DTNB: variants seen among roughly 807,000 people sequenced by gnomAD.
DTNB encodes the protein DTN-B.
A neutral mutation model predicts 90.7 loss-of-function variants in DTNB; 63 were observed. That is an observed-to-expected ratio of 0.69 (90% CI 0.57 to 0.86). DTNB has a LOEUF of 0.86. Among genes scored for constraint, DTNB ranks in the 40% least tolerant of loss-of-function variants. The pLI is 0.00. For synonymous variants in DTNB, 277 were observed against 286.7 expected (o/e 0.97, Z 0.34); for missense variants, 744 against 807.1 (o/e 0.92, Z 0.95).
intron 4 of DTNB, among the ~76,000 whole-genome samples, chr2:25,621,516 A>C (rs2072638366): frequency 6.8e-6 from 1 of 146,014 alleles, no homozygotes; most frequent in African/African-American, 2.5e-5. Flanking sequence ...GTGTGATCTC[A>C]GCTCACCGCA....
chr2:25,662,100 G>T (rs375338039), intron 1 of DTNB, among the ~76,000 whole-genome samples: 4 of 151,636 alleles, frequency 2.6e-5, no homozygotes, highest in Non-Finnish European at 4.4e-5. Flanking sequence ...AGGCTGCAAG[G>T]AGCTGAGATT....
chr2:25,667,090 C>A (rs1347561031), intron 1 of DTNB, among the ~76,000 whole-genome samples: 1 of 150,548 alleles, frequency 6.6e-6, no homozygotes, highest in Non-Finnish European at 1.5e-5. Context: ...TCAGCTGAAG[C>A]ACCTGAAATA....
chr2:25,652,836 T>C, intron 1 of DTNB, 175 bp from the exon 2 acceptor site: 1 of 525,024 alleles, frequency 1.9e-6, no homozygotes, highest in South Asian at 3.3e-5. Flanking sequence ...GCCATCCTTT[T>C]ATTTGATAGC....
At chr2:25,535,574 G>A (rs1386887533) in intron 8 of DTNB, among the ~76,000 whole-genome samples, 32 of 141,576 alleles carry the variant, frequency 2.3e-4, no homozygotes, top group East Asian at 4.5e-4. Context: ...GACGATGGGC[G>A]GCCACGCAGA....
At chr2:25,464,852 C>T (rs2061524983) in intron 10 of DTNB, among the ~76,000 whole-genome samples, 1 of 152,092 alleles carries the variant, frequency 6.6e-6, no homozygotes, top group Admixed American at 6.5e-5. Context: ...CAGTACTCCT[C>T]AAAACTGCCA....
intron 16 of DTNB, among the ~76,000 whole-genome samples, chr2:25,414,326 G>C (rs952379511): frequency 6.6e-6 from 1 of 152,038 alleles, no homozygotes; most frequent in Non-Finnish European, 1.5e-5. Flanking sequence ...GTGCGATCTC[G>C]GCTCACTGTG....
intron 9 of DTNB, among the ~76,000 whole-genome samples, chr2:25,519,846 T>A (rs1278492436): frequency 6.6e-6 from 1 of 152,164 alleles, no homozygotes; most frequent in Non-Finnish European, 1.5e-5. Context: ...TTCAAGCAAT[T>A]GGAACATCAG....
At position 25,467,797 on chromosome 2, in the gene DTNB, G is replaced by A. The variant is rs187385918; in HGVS notation, c.1080-12303C>T. ...AGATGAAATGCTTATTGTTCTCAAA[G>A]GGTCCGATAGTAAATATTTTAGGCT... On this transcript the variant is annotated intron_variant, in intron 10 of 20. Coordinates refer to ENST00000406818, the MANE Select transcript of DTNB (RefSeq NM_021907.5). 4.5e-4 allele frequency among the ~76,000 whole-genome samples: 68 copies of A among 152,226 alleles called. No homozygotes were observed. The East Asian group carries it at 0.012, about 27-fold the overall frequency.
At chr2:25,433,522 ATT>A (rs560980051) in intron 13 of DTNB, among the ~76,000 whole-genome samples, 2 of 143,582 alleles carry the variant, frequency 1.4e-5, no homozygotes, top group African/African-American at 2.6e-5. Context: ...AATGGCATTA[ATT>A]TTTTTTTTTT....
At chr2:25,580,692 C>T (rs763943817) in intron 7 of DTNB, 29 bp downstream of exon 7, 7 of 1,570,820 alleles carry the variant, frequency 4.5e-6, no homozygotes, top group Non-Finnish European at 6.1e-6. Flanking sequence ...CTATAGCATG[C>T]GGAATTGAAC....
chr2:25,411,691 C>A (rs938103041), intron 16 of DTNB, among the ~76,000 whole-genome samples: 2 of 152,194 alleles, frequency 1.3e-5, no homozygotes, highest in African/African-American at 2.4e-5. Context: ...CCCGGGATAC[C>A]ACTGGCCCGG....
At chr2:25,669,247 C>A (rs115660194) in intron 1 of DTNB, among the ~76,000 whole-genome samples, 3 of 152,006 alleles carry the variant, frequency 2.0e-5, no homozygotes, top group South Asian at 2.1e-4. Flanking sequence ...TGTACACTTA[C>A]AATGGTTAAA....
intron 4 of DTNB, among the ~76,000 whole-genome samples, chr2:25,613,842 C>A (rs534280124): frequency 6.6e-6 from 1 of 152,074 alleles, no homozygotes; most frequent in African/African-American, 2.4e-5. Flanking sequence ...CCAGTAATCC[C>A]GGCTACTCAG....
intron 14 of DTNB, among the ~76,000 whole-genome samples, chr2:25,430,608 G>A (rs770024315): frequency 1.1e-4 from 17 of 152,168 alleles, no homozygotes; most frequent in Non-Finnish European, 2.2e-4. Flanking sequence ...AAAACAAAAA[G>A]CAAAACTAAA....
At chr2:25,635,207 T>C (rs1421034856) in intron 3 of DTNB, among the ~76,000 whole-genome samples, 2 of 151,332 alleles carry the variant, frequency 1.3e-5, no homozygotes, top group African/African-American at 2.4e-5. Context: ...CCAAGACAGG[T>C]GGATCACTTG....
At chr2:25,446,873 T>C (rs1378321368) in intron 12 of DTNB, among the ~76,000 whole-genome samples, 1 of 152,222 alleles carries the variant, frequency 6.6e-6, no homozygotes, top group Non-Finnish European at 1.5e-5. Context: ...TACATGACTG[T>C]TGGTTCTCTA....
intron 3 of DTNB, among the ~76,000 whole-genome samples, chr2:25,628,892 A>G (rs1175484753): frequency 6.6e-6 from 1 of 152,232 alleles, no homozygotes; most frequent in African/African-American, 2.4e-5. Context: ...AACAACTCAT[A>G]GCTCAGCCAA....
chr2:25,511,829 A>C (rs1161877362), intron 9 of DTNB, among the ~76,000 whole-genome samples: 1 of 152,216 alleles, frequency 6.6e-6, no homozygotes, highest in East Asian at 1.9e-4. Flanking sequence ...TCCTTGTGAT[A>C]AACTGGACAC....
intron 16 of DTNB, among the ~76,000 whole-genome samples, chr2:25,409,966 G>A (rs141214339): frequency 2.0e-4 from 31 of 152,314 alleles, no homozygotes; most frequent in African/African-American, 7.5e-4. Flanking sequence ...TCAGATCAAA[G>A]TCCCCTCCTA....
Sources: allele counts gnomAD v4.1 joint callset (sites outside exome capture counted in the v4.1 genomes callset), GRCh38; gene constraint gnomAD v4.1.1; transcripts MANE v1.5; gene names NCBI Gene and HGNC (gene_info 2026-07-23, HGNC 2026-07-21).